ZMYND8: variants seen among roughly 807,000 people sequenced by gnomAD.
ZMYND8 encodes the protein zinc finger MYND-type containing 8, also known as MYND-type zinc finger-containing chromatin reader ZMYND8.
ZMYND8 carries 37 observed loss-of-function variants against 140.8 expected under a neutral mutation model. That is an observed-to-expected ratio of 0.26 (90% confidence interval 0.20 to 0.35). The LOEUF is 0.35. ZMYND8 is among the 10% of genes least tolerant of loss of function. The probability of loss-of-function intolerance (pLI) is 1.00; values close to 1 mark genes in which losing one functional copy is unlikely to be tolerated. For missense variants in ZMYND8, 1,068 were observed against 1,570.0 expected, an observed-to-expected ratio of 0.68 and a Z score of 5.40; for synonymous variants, 592 against 597.1, an observed-to-expected ratio of 0.99 and a Z score of 0.12.
intron 2 of ZMYND8, chr20:47,318,435 T>A (rs564508993): frequency 9.0e-6 from 3 of 332,766 alleles, no homozygotes; most frequent in Non-Finnish European, 1.8e-5. Context: ...CCAGGAATAT[T>A]TGGGGCCCTC....
chr20:47,218,274 T>C (rs1434896769), intron 21 of ZMYND8, among the ~76,000 whole-genome samples: 1 of 152,172 alleles, frequency 6.6e-6, no homozygotes, highest in Non-Finnish European at 1.5e-5. Context: ...CACGGCATCA[T>C]TCATCTTCTC....
chr20:47,256,508 T>C (rs1310088384), intron 12 of ZMYND8, among the ~76,000 whole-genome samples: 3 of 151,752 alleles, frequency 2.0e-5, no homozygotes, highest in African/African-American at 7.3e-5. Flanking sequence ...TAGTCCCAGC[T>C]ACTTGGGAGG....
rs368018835 is a variant in ZMYND8 at position 47,221,480 on chromosome 20, G to A, written c.3257-6C>T. ...TTCCTGCTGAGGAGCAGTAGCTGGGGACAAAGGAGAGAGAGAGACGCCACA... is the reference window on the plus strand; with the variant it reads ...TTCCTGCTGAGGAGCAGTAGCTGGGAACAAAGGAGAGAGAGAGACGCCACA... On this transcript the variant is annotated splice_region_variant and splice_polypyrimidine_tract_variant and intron_variant, in intron 19 of 22. Coordinates refer to ENST00000471951, the MANE Select transcript of ZMYND8 (RefSeq NM_001281775.3). 75 of 1,613,284 alleles carry A rather than the reference G, an allele frequency of 4.6e-5. No individual in the cohort carries two copies. The highest frequency in any genetic ancestry group is 5.7e-5 in the Non-Finnish European group (67 of 1,179,852).
At chr20:47,248,040 C>A (rs771424386) in intron 13 of ZMYND8, among the ~76,000 whole-genome samples, 8 of 152,202 alleles carry the variant, frequency 5.3e-5, no homozygotes, top group Non-Finnish European at 8.8e-5. Context: ...AGTGTAAGCA[C>A]ATATGTGATA....
intron 3 of ZMYND8, 58 bp downstream of exon 3, chr20:47,309,998 C>T (rs41282802): frequency 0.029 from 46,704 of 1,607,872 alleles, 783 homozygotes; most frequent in African/African-American, 0.045. Context: ...AGAGGTTCAG[C>T]GCTACTAGCT....
At chr20:47,213,579 CG>C in intron 21 of ZMYND8, among the ~76,000 whole-genome samples, 1 of 152,210 alleles carries the variant, frequency 6.6e-6, no homozygotes, top group East Asian at 1.9e-4. Flanking sequence ...ACCTTGACAA[CG>C]GGGAAAGTCA....
chr20:47,255,724 A>ATG (rs1601326399), intron 12 of ZMYND8, among the ~76,000 whole-genome samples: 4 of 8,820 alleles, frequency 4.5e-4, no homozygotes, highest in South Asian at 5.5e-3. Flanking sequence ...GTATGTGTGT[A>ATG]TATATATATA....
intron 3 of ZMYND8, among the ~76,000 whole-genome samples, chr20:47,303,393 T>G (rs1209326213): frequency 6.6e-6 from 1 of 152,124 alleles, no homozygotes; most frequent in Non-Finnish European, 1.5e-5. Context: ...TTTCAGTAAG[T>G]TAATAATACA....
At position 47,298,462 on chromosome 20, in the gene ZMYND8, C is replaced by A; in HGVS notation, c.453+267G>T. ...TTCAAAAAGTTCATCATAGAAGATGCAGAGATGACGACTACAGATCTCCAA... is the reference window on the plus strand; with the variant it reads ...TTCAAAAAGTTCATCATAGAAGATGAAGAGATGACGACTACAGATCTCCAA... On this transcript the variant is annotated intron_variant, in intron 4 of 22. Coordinates refer to ENST00000471951, the MANE Select transcript of ZMYND8 (RefSeq NM_001281775.3). This position sits in a 1 kb window ranked among gnomAD's most constrained non-coding sequence, Gnocchi z 5.0. The A allele has an allele frequency of 1.0e-6, 1 of 985,388 alleles. No homozygotes were observed. Among genetic ancestry groups the A allele is most frequent in the Non-Finnish European group, 1.2e-6 (1 of 829,928 alleles). The allele number at this position is 985,388 out of a possible 1,614,324, so 61.0% of individuals were successfully genotyped here. A position where few individuals can be genotyped will look rare whatever the true frequency, so the allele number is the denominator to read the frequency against.
chr20:47,246,804 G>A (rs541148360), intron 13 of ZMYND8, among the ~76,000 whole-genome samples: 5 of 152,224 alleles, frequency 3.3e-5, no homozygotes, highest in South Asian at 2.1e-4. Flanking sequence ...TTTTTGCAAC[G>A]TTGATAACTA....
At chr20:47,236,274 G>A (rs776130592) in intron 16 of ZMYND8, 52 bp downstream of exon 16, 15 of 1,609,720 alleles carry the variant, frequency 9.3e-6, no homozygotes, top group Admixed American at 6.7e-5. Flanking sequence ...CCAAGATTCT[G>A]GCATCCTGCC....
At chr20:47,253,536 CA>C (rs11475274) in intron 12 of ZMYND8, among the ~76,000 whole-genome samples, 73,495 of 115,726 alleles carry the variant, frequency 0.64, 20,916 homozygotes, top group African/African-American at 0.74. Flanking sequence ...GACTCCATCT[CA>C]AAAAAAAAAA....
chr20:47,329,640 G>A (rs2080766645), intron 2 of ZMYND8, among the ~76,000 whole-genome samples: 1 of 152,236 alleles, frequency 6.6e-6, no homozygotes, highest in Middle Eastern at 3.4e-3. Context: ...CCAACCTCAG[G>A]TGATCCACCC....
At chr20:47,247,137 A>C (rs1387839977) in intron 13 of ZMYND8, among the ~76,000 whole-genome samples, 1 of 152,264 alleles carries the variant, frequency 6.6e-6, no homozygotes, top group South Asian at 2.1e-4. Flanking sequence ...TTTGGCCCAC[A>C]GGGTATCTTG....
chr20:47,297,914 C>T (rs2077746640), intron 4 of ZMYND8, among the ~76,000 whole-genome samples: 1 of 152,206 alleles, frequency 6.6e-6, no homozygotes, highest in Non-Finnish European at 1.5e-5. Flanking sequence ...AGGAGGCATA[C>T]ACACTGCCCC....
At position 47,298,013 on chromosome 20, in the gene ZMYND8, T is replaced by C. The variant is rs1481346817; in HGVS notation, c.453+716A>G. On this transcript the variant is annotated intron_variant, in intron 4 of 22. Transcript: ENST00000471951. This position sits in a 1 kb window ranked among gnomAD's most constrained non-coding sequence, Gnocchi z 5.0. ...TGGCTCACTCCTCTCTTTCATCAAG[T>C]CTTTCTCAAATTTTAGTGAGGCTTT... 6.6e-6 allele frequency among the ~76,000 whole-genome samples: 1 copy of C among 152,188 alleles called. No homozygotes were observed. The highest frequency in any genetic ancestry group is 2.4e-5 in the African/African-American group (1 of 41,454).
chr20:47,242,064 G>A (rs141678645), intron 14 of ZMYND8, among the ~76,000 whole-genome samples: 2,180 of 152,172 alleles, frequency 0.014, 62 homozygotes, highest in East Asian at 0.14. Flanking sequence ...TGATCCACCC[G>A]CCTCGGCCTC....
chr20:47,356,249 C>G, intron 1 of ZMYND8: 1 of 834,220 alleles, frequency 1.2e-6, no homozygotes, highest in Non-Finnish European at 1.5e-6. Flanking sequence ...GGGCATGTGG[C>G]AAAAGAGAAG....
intron 2 of ZMYND8, among the ~76,000 whole-genome samples, chr20:47,335,023 A>T (rs1326031131): frequency 6.6e-6 from 1 of 152,034 alleles, no homozygotes; most frequent in Non-Finnish European, 1.5e-5. Flanking sequence ...AGACAGGAGG[A>T]TCGCTTGAGC....
Sources: gnomAD v4.1 joint callset for allele counts (sites outside exome capture counted in the v4.1 genomes callset) on GRCh38, gnomAD v4.1.1 for gene constraint, Gnocchi (gnomAD v3.1) non-coding constraint, MANE v1.5 for transcripts, NCBI Gene and HGNC (gene_info 2026-07-23, HGNC 2026-07-21) for gene names.